GPR39: variants seen among roughly 807,000 people sequenced by gnomAD.
GPR39 encodes G protein-coupled receptor 39, also known as zinc sensing receptor.
GPR39 carries 23 observed loss-of-function variants against 18.4 expected under a neutral mutation model. That is an observed-to-expected ratio of 1.25 (90% CI 0.90 to 1.77). GPR39 has a LOEUF of 1.77. Among genes scored for constraint, GPR39 ranks in the 40% most tolerant of loss-of-function variants. GPR39 has a pLI of 0.00. For missense variants in GPR39, 647 were observed against 602.4 expected (o/e 1.07, Z -0.78); for synonymous variants, 280 against 257.9 (o/e 1.09, Z -0.82).
At chr2:132,559,954 G>T (rs1227805839) in intron 1 of GPR39, among the ~76,000 whole-genome samples, 1 of 152,092 alleles carries the variant, frequency 6.6e-6, no homozygotes, top group African/African-American at 2.4e-5. Context: ...AAAAATGGGG[G>T]CTGGGTGGAG....
chr2:132,418,002 T>G, intron 1 of GPR39, 104 bp downstream of exon 1: 1 of 1,401,188 alleles, frequency 7.1e-7, no homozygotes, highest in Non-Finnish European at 9.6e-7. Flanking sequence ...GCCCTAGAAT[T>G]GCACACTTAA....
chr2:132,629,771 T>G (rs1299967223), intron 1 of GPR39, among the ~76,000 whole-genome samples: 1 of 152,220 alleles, frequency 6.6e-6, no homozygotes, highest in Non-Finnish European at 1.5e-5. Flanking sequence ...GCCCTAGGCT[T>G]GCTTCCCTCT....
At chr2:132,520,756 T>TGGTGATGA (rs1558824734) in intron 1 of GPR39, among the ~76,000 whole-genome samples, 1 of 152,200 alleles carries the variant, frequency 6.6e-6, no homozygotes, top group African/African-American at 2.4e-5. Context: ...TCCATCTTGA[T>TGGTGATGA]GGTGATGAGA....
intron 1 of GPR39, among the ~76,000 whole-genome samples, chr2:132,449,105 G>A (rs6430340): frequency 0.79 from 120,862 of 152,218 alleles, 48,846 homozygotes; most frequent in Non-Finnish European, 0.87. Context: ...AGTTCTGGGT[G>A]ATAGCAGGTG....
chr2:132,549,671 C>T (rs1558835865), intron 1 of GPR39, among the ~76,000 whole-genome samples: 1 of 152,074 alleles, frequency 6.6e-6, no homozygotes. Context: ...ACCTGTAGTC[C>T]CAGCTACTCG....
At chr2:132,527,471 G>A (rs1208983588) in intron 1 of GPR39, among the ~76,000 whole-genome samples, 5 of 152,204 alleles carry the variant, frequency 3.3e-5, no homozygotes, top group African/African-American at 1.2e-4. Context: ...TGGCATGGCT[G>A]GGTCAAATGG....
rs536252956 is a variant in GPR39, at chr2:132,576,187, G to A, written c.857-68914G>A. 3.3e-5 allele frequency among the ~76,000 whole-genome samples: 5 copies of A among 152,236 alleles called. No homozygotes were observed. The East Asian group carries it at 7.7e-4, about 24-fold the overall frequency. ...TTTTTACTGTTGAATTTTGAGAGTT[G>A]TTTATATATTCTAGGTGTTAGTCCT... On this transcript the variant is annotated intron_variant, in intron 1 of 1. Transcript: ENST00000329321.
At chr2:132,482,969 C>T (rs1188035920) in intron 1 of GPR39, among the ~76,000 whole-genome samples, 10 of 152,302 alleles carry the variant, frequency 6.6e-5, no homozygotes, top group African/African-American at 2.2e-4. Flanking sequence ...TATCCCTGCA[C>T]TGTGCACGGC....
chr2:132,466,027 C>T (rs965856952), intron 1 of GPR39, among the ~76,000 whole-genome samples: 4 of 152,022 alleles, frequency 2.6e-5, no homozygotes, highest in African/African-American at 9.7e-5. Context: ...TTTTTAAAAG[C>T]TTAAAGCCTA....
chr2:132,528,803 G>A (rs1313710513), intron 1 of GPR39, among the ~76,000 whole-genome samples: 1 of 152,158 alleles, frequency 6.6e-6, no homozygotes, highest in Non-Finnish European at 1.5e-5. Context: ...AAACTTTGCT[G>A]AAGTTTTTTA....
chr2:132,613,625 C>T (rs576097715), intron 1 of GPR39, among the ~76,000 whole-genome samples: 1 of 152,346 alleles, frequency 6.6e-6, no homozygotes, highest in East Asian at 1.9e-4. Context: ...TGCTATATCA[C>T]CATCACTTAG....
intron 1 of GPR39, among the ~76,000 whole-genome samples, chr2:132,535,694 G>GTTTTTTTTTTTTT (rs1252242856): frequency 6.6e-5 from 4 of 60,972 alleles, no homozygotes; most frequent in African/African-American, 1.6e-4. Flanking sequence ...CTGGTCCTGG[G>GTTTTTTTTTTTTT]CTTTTTTTTT....
Position 132,545,929 on chromosome 2 carries a change from G to A in GPR39, c.857-99172G>A, listed in dbSNP as rs115305916. ...AGGACCCACATAGGAGAGAGGACAT[G>A]ATTGAGTTGTCCTGGTCAGAGGCTA... On this transcript the variant is annotated intron_variant, in intron 1 of 1. Transcript: ENST00000329321. 5.8e-3 allele frequency among the ~76,000 whole-genome samples: 889 copies of A among 152,300 alleles called. 8 individuals carry two copies. Among genetic ancestry groups the A allele is most frequent in the African/African-American group, 0.021 (852 of 41,550 alleles).
chr2:132,633,338 CTGTGTGTGTGTGTGTGTG>C (rs55722602), intron 1 of GPR39, among the ~76,000 whole-genome samples: 12 of 139,200 alleles, frequency 8.6e-5, no homozygotes, highest in Admixed American at 2.9e-4. Flanking sequence ...CCAAATACCT[CTGTGTGTGTGTGTGTGTG>C]TGTGTGTGTG....
At chr2:132,447,897 T>C (rs1680566178) in intron 1 of GPR39, among the ~76,000 whole-genome samples, 1 of 152,194 alleles carries the variant, frequency 6.6e-6, no homozygotes, top group African/African-American at 2.4e-5. Context: ...AATTTATTGT[T>C]TGCTGCAGTA....
rs1682094445 is a variant in GPR39, at chr2:132,646,552, TAG to T, written c.*948_*949del. 5.9e-6 allele frequency: 2 copies of T among 338,040 alleles called. No homozygotes were observed. Among genetic ancestry groups the T allele is most frequent in the Non-Finnish European group, 1.1e-5 (2 of 188,520 alleles). The allele number at this position is 338,040 out of a possible 1,614,324, so 20.9% of individuals were successfully genotyped here. A position where few individuals can be genotyped will look rare whatever the true frequency, so the allele number is the denominator to read the frequency against. On this transcript the variant is annotated 3_prime_UTR_variant, in exon 2 of 2. Transcript: ENST00000329321. The stretch of plus-strand genomic sequence containing the variant: ...TACCTGTTAATAAAGAGCTGTTAAA[TAG>T]ACTTATTTACATTTTAAGTCAGAGT...
intron 1 of GPR39, among the ~76,000 whole-genome samples, chr2:132,459,425 G>A (rs1431802082): frequency 1.3e-5 from 2 of 152,192 alleles, no homozygotes; most frequent in Non-Finnish European, 1.5e-5. Context: ...AGTGAGGCCA[G>A]ATTCCTTGTT....
chr2:132,473,311 A>G (rs955596308), intron 1 of GPR39, among the ~76,000 whole-genome samples: 9 of 152,058 alleles, frequency 5.9e-5, no homozygotes, highest in Admixed American at 6.6e-5. Context: ...TTTATCTCCC[A>G]CCTTCCACCA....
At chr2:132,494,792 A>T (rs928685889) in intron 1 of GPR39, among the ~76,000 whole-genome samples, 10 of 151,750 alleles carry the variant, frequency 6.6e-5, no homozygotes, top group African/African-American at 2.4e-4. Flanking sequence ...TCCTTTCTTT[A>T]TATTTGATGT....
Sources: allele counts gnomAD v4.1 joint callset (sites outside exome capture counted in the v4.1 genomes callset), GRCh38; gene constraint gnomAD v4.1.1; transcripts MANE v1.5; gene names NCBI Gene and HGNC (gene_info 2026-07-23, HGNC 2026-07-21).